Variants in TSPAN15 observed in about 807,000 individuals in gnomAD.
TSPAN15 encodes the protein tetraspanin-15.
A neutral mutation model predicts 34.5 loss-of-function variants in TSPAN15; 20 were observed. The observed-to-expected ratio is 0.58, with a 90% confidence interval of 0.41 to 0.84. The LOEUF is 0.84. Among genes scored for constraint, TSPAN15 ranks in the 40% least tolerant of loss-of-function variants. The pLI is 0.00. For synonymous variants in TSPAN15, 155 were observed against 153.9 expected, an observed-to-expected ratio of 1.01 and a Z score of -0.05; for missense variants, 313 against 386.1, an observed-to-expected ratio of 0.81 and a Z score of 1.59.
chr10:69,532,430 A>G, the TSPAN15 span, among the ~76,000 whole-genome samples: 1 of 152,224 alleles, frequency 6.6e-6, no homozygotes, highest in East Asian at 1.9e-4. Flanking sequence ...AACATGGGGA[A>G]AGGACACCCT....
chr10:69,493,532 G>A (rs2133133719), intron 3 of TSPAN15, among the ~76,000 whole-genome samples: 1 of 148,354 alleles, frequency 6.7e-6, no homozygotes, highest in South Asian at 2.1e-4. Context: ...GAGTGCAGTG[G>A]TGCCATCTCG....
downstream of TSPAN15, among the ~76,000 whole-genome samples, chr10:69,511,654 A>G (rs1842415848): frequency 6.6e-6 from 1 of 152,002 alleles, no homozygotes; most frequent in Admixed American, 6.6e-5. Context: ...AGTTCTTTTA[A>G]TTGTGATGTT....
Position 69,506,250 on chromosome 10 carries a change from C to A in TSPAN15, c.735+10C>A, listed in dbSNP as rs766697630. On this transcript the variant is annotated intron_variant, in intron 7 of 7. Transcript: ENST00000373290. The surrounding 1 kb of genome is among the most constrained non-coding windows in gnomAD (Gnocchi z 4.7). The stretch of plus-strand genomic sequence containing the variant: ...CATCCTGCTTCCCCAGGTGGGCAGG[C>A]CGTGGGTTCAGAGAAAGTGTGACTT... 4 of 1,611,814 alleles carry A rather than the reference C, an allele frequency of 2.5e-6. No individual in the cohort carries two copies. The East Asian group carries it at 6.7e-5, about 27-fold the overall frequency.
the TSPAN15 span, among the ~76,000 whole-genome samples, chr10:69,536,662 C>A: frequency 6.6e-6 from 1 of 152,122 alleles, no homozygotes; most frequent in Non-Finnish European, 1.5e-5. Flanking sequence ...TGTACACACC[C>A]ATTCCTGATG....
At chr10:69,485,252 T>C (rs764117487) in intron 3 of TSPAN15, 37 bp downstream of exon 3, 7 of 1,598,692 alleles carry the variant, frequency 4.4e-6, no homozygotes, top group Non-Finnish European at 5.1e-6. Context: ...CATGTGTGTA[T>C]GGAGCACCCA....
chr10:69,540,441 AGTC>A, the TSPAN15 span, among the ~76,000 whole-genome samples: 2 of 152,146 alleles, frequency 1.3e-5, no homozygotes, highest in Non-Finnish European at 2.9e-5. Context: ...ATTGGGAAAT[AGTC>A]GTTTGGCCAC....
At chr10:69,458,590 C>A (rs1006159272) in intron 1 of TSPAN15, among the ~76,000 whole-genome samples, 4 of 152,160 alleles carry the variant, frequency 2.6e-5, no homozygotes, top group Middle Eastern at 3.2e-3. Context: ...GGAGAAGTGG[C>A]CAGCCGTGCC....
chr10:69,465,610 C>T (rs941851709), intron 1 of TSPAN15, among the ~76,000 whole-genome samples: 4 of 152,304 alleles, frequency 2.6e-5, no homozygotes, highest in Non-Finnish European at 5.9e-5. Flanking sequence ...TAAGAGACAG[C>T]GCTGCTCTTG....
At chr10:69,534,660 A>G in the TSPAN15 span, among the ~76,000 whole-genome samples, 1 of 152,040 alleles carries the variant, frequency 6.6e-6, no homozygotes, top group Admixed American at 6.6e-5. Flanking sequence ...GAAGATACAG[A>G]TGTAATATAG....
In TSPAN15 at chr10:69,481,106, G is replaced by A. The variant is rs1009731798; in HGVS notation, c.97-2585G>A. Among the ~76,000 whole-genome samples the A allele has an allele frequency of 2.6e-5, 4 of 152,344 alleles. No individual in the cohort carries two copies. The South Asian group carries it at 8.3e-4, about 32-fold the overall frequency. On this transcript the variant is annotated intron_variant, in intron 1 of 7. Transcript: ENST00000373290. ...ATGTTCTGGGTTTTGGAGCATGACT[G>A]TGTCTGTCCAGATAGTCTCTGGTTT...
At chr10:69,505,683 C>G (rs1176613594) in intron 6 of TSPAN15, among the ~76,000 whole-genome samples, 2 of 152,010 alleles carry the variant, frequency 1.3e-5, no homozygotes, top group Non-Finnish European at 2.9e-5. Context: ...GCTGGGACTG[C>G]AGGCACTGGC....
intron 1 of TSPAN15, among the ~76,000 whole-genome samples, chr10:69,472,705 G>T (rs576416201): frequency 1.3e-5 from 2 of 152,320 alleles, no homozygotes; most frequent in South Asian, 4.1e-4. Flanking sequence ...GTGCTACATG[G>T]TTACTGGGGA....
intron 1 of TSPAN15, among the ~76,000 whole-genome samples, chr10:69,459,317 G>T (rs550863640): frequency 1.2e-3 from 190 of 152,268 alleles, no homozygotes; most frequent in African/African-American, 4.4e-3. Flanking sequence ...GATAGGTGTG[G>T]GAAGCAACTA....
rs757697731 is a variant in TSPAN15, at chr10:69,451,599, C to G, written c.5C>G (p.Pro2Arg). 4 of 1,497,534 alleles carry G rather than the reference C, an allele frequency of 2.7e-6. No individual in the cohort carries two copies. Among genetic ancestry groups the G allele is most frequent in the Non-Finnish European group, 2.7e-6 (3 of 1,120,334 alleles). 92.8% of individuals were successfully genotyped at this position (1,497,534 alleles called of 1,614,324 possible). ...CCCGCGCGGGGAGCGCCCAGGATGC[C>G]GCGCGGGGACTCGGAGCAGGTGCGC... M[P>R]RGDSEQVRYC... The change falls in exon 1 of 8, where the codon CCG (proline) becomes CGG (arginine). Residue 2 changes from proline (P) to arginine (R), a missense_variant. By Grantham distance (103) the Pro-to-Arg change is moderately radical. Transcript: ENST00000373290.
At chr10:69,493,252 A>G (rs1842005341) in intron 3 of TSPAN15, among the ~76,000 whole-genome samples, 1 of 152,068 alleles carries the variant, frequency 6.6e-6, no homozygotes, top group African/African-American at 2.4e-5. Flanking sequence ...CTGGAAGGCA[A>G]TGCTCCCACC....
At chr10:69,512,253 A>G (rs1842422376), downstream of TSPAN15, among the ~76,000 whole-genome samples, 1 of 152,216 alleles carries the variant, frequency 6.6e-6, no homozygotes, top group Non-Finnish European at 1.5e-5. Flanking sequence ...CCTTTCCCAC[A>G]CCATGACACA....
At chr10:69,493,555 C>T (rs542249977) in intron 3 of TSPAN15, among the ~76,000 whole-genome samples, 2 of 150,358 alleles carry the variant, frequency 1.3e-5, no homozygotes, top group East Asian at 1.9e-4. Context: ...TCACTGCAAC[C>T]TCTGCCTCCC....
chr10:69,527,914 T>C, the TSPAN15 span, among the ~76,000 whole-genome samples: 3 of 148,002 alleles, frequency 2.0e-5, 1 homozygote, highest in Admixed American at 7.0e-5. Context: ...TAATTTACTT[T>C]GATGACGGTT....
intron 1 of TSPAN15, among the ~76,000 whole-genome samples, chr10:69,464,584 TAAATC>T (rs1385766343): frequency 1.3e-5 from 2 of 152,194 alleles, no homozygotes; most frequent in Non-Finnish European, 2.9e-5. Flanking sequence ...TGAAAACAGT[TAAATC>T]AAAACTGCTT....
Sources: allele counts gnomAD v4.1 joint callset (sites outside exome capture counted in the v4.1 genomes callset), GRCh38; gene constraint gnomAD v4.1.1; non-coding constraint Gnocchi (gnomAD v3.1); transcripts MANE v1.5; gene names NCBI Gene and HGNC (gene_info 2026-07-23, HGNC 2026-07-21).